The following GPC5 variants were observed in gnomAD, a reference collection of about 807,000 sequenced individuals.
GPC5 encodes glypican-5.
GPC5 carries 47 observed loss-of-function variants against 53.9 expected under a neutral mutation model. The observed-to-expected ratio is 0.87, with a 90% CI of 0.69 to 1.11. GPC5 has a LOEUF of 1.11. Ranked by LOEUF, GPC5 falls within the 50% of genes most tolerant of loss-of-function variation. The pLI is 0.00. For missense variants in GPC5, 748 were observed against 713.1 expected (o/e 1.05, Z -0.56); for synonymous variants, 286 against 263.3 (o/e 1.09, Z -0.84).
chr13:91,858,076 G>C (rs989536416), intron 5 of GPC5, among the ~76,000 whole-genome samples: 8 of 151,422 alleles, frequency 5.3e-5, no homozygotes, highest in Non-Finnish European at 1.0e-4. Context: ...ATTGTTTTTA[G>C]TAATATATTT....
intron 7 of GPC5, among the ~76,000 whole-genome samples, chr13:92,767,069 C>G (rs935803782): frequency 6.6e-6 from 1 of 152,172 alleles, no homozygotes; most frequent in Admixed American, 6.5e-5. Context: ...AGAATTGAAT[C>G]AAGGTCCTTG....
At chr13:92,104,945 AAT>A (rs1224958867) in intron 6 of GPC5, among the ~76,000 whole-genome samples, 3 of 152,132 alleles carry the variant, frequency 2.0e-5, no homozygotes, top group African/African-American at 7.2e-5. Context: ...CATGTTGAGA[AAT>A]AGTGTTTTTG....
At chr13:92,355,518 A>G (rs539536265) in intron 7 of GPC5, among the ~76,000 whole-genome samples, 7 of 152,126 alleles carry the variant, frequency 4.6e-5, no homozygotes, top group African/African-American at 1.7e-4. Flanking sequence ...ATTATATCAT[A>G]TGTTCCCCTC....
chr13:91,541,693 G>A (rs929073441), intron 2 of GPC5, among the ~76,000 whole-genome samples: 1 of 151,980 alleles, frequency 6.6e-6, no homozygotes, highest in Non-Finnish European at 1.5e-5. Context: ...ACTGGTCATG[G>A]AAGAGATGAT....
intron 7 of GPC5, among the ~76,000 whole-genome samples, chr13:92,627,389 C>A (rs1252788713): frequency 6.6e-6 from 1 of 152,188 alleles, no homozygotes; most frequent in Admixed American, 6.5e-5. Context: ...ATTGGTTGCA[C>A]TTTACACAGC....
At chr13:92,388,637 A>G (rs1874853965) in intron 7 of GPC5, among the ~76,000 whole-genome samples, 1 of 152,164 alleles carries the variant, frequency 6.6e-6, no homozygotes, top group Non-Finnish European at 1.5e-5. Flanking sequence ...ATGATACAGT[A>G]GGAAAACTTA....
At chr13:92,507,393 A>G (rs552537687) in intron 7 of GPC5, among the ~76,000 whole-genome samples, 2 of 152,356 alleles carry the variant, frequency 1.3e-5, no homozygotes, top group South Asian at 4.1e-4. Context: ...GAATGAATTT[A>G]GCTTTCTTTG....
intron 7 of GPC5, among the ~76,000 whole-genome samples, chr13:92,182,868 C>T (rs914722638): frequency 2.8e-5 from 3 of 107,696 alleles, no homozygotes; most frequent in Non-Finnish European, 5.4e-5. Context: ...GACTCCGTCT[C>T]AAAAAAAGAA....
chr13:92,494,385 G>C (rs1347253062), intron 7 of GPC5, among the ~76,000 whole-genome samples: 2 of 152,266 alleles, frequency 1.3e-5, no homozygotes, highest in Middle Eastern at 3.4e-3. Context: ...CACCGCGCCT[G>C]GCCAAGAATT....
chr13:92,517,959 A>C (rs1224355680), intron 7 of GPC5, among the ~76,000 whole-genome samples: 4 of 152,206 alleles, frequency 2.6e-5, no homozygotes, highest in Admixed American at 2.6e-4. Flanking sequence ...TAACTAGAAA[A>C]ACCAGTGTAG....
intron 7 of GPC5, chr13:92,719,805 T>C (rs1327201335): frequency 6.6e-6 from 1 of 152,168 alleles, no homozygotes; most frequent in East Asian, 1.9e-4. Context: ...ACACCTTCTG[T>C]TCAAACACTT....
At chr13:92,471,682 A>G (rs1325202560) in intron 7 of GPC5, among the ~76,000 whole-genome samples, 3 of 152,142 alleles carry the variant, frequency 2.0e-5, no homozygotes, top group African/African-American at 7.2e-5. Flanking sequence ...GGAGAATTTC[A>G]AGGAGTTGCA....
At chr13:92,075,411 A>G (rs1359645429) in intron 6 of GPC5, among the ~76,000 whole-genome samples, 4 of 152,186 alleles carry the variant, frequency 2.6e-5, no homozygotes, top group Non-Finnish European at 5.9e-5. Context: ...TGTATTTCTT[A>G]GTCTCTAGCA....
At chr13:92,509,724 A>C (rs916637579) in intron 7 of GPC5, 1 of 152,228 alleles carries the variant, frequency 6.6e-6, no homozygotes, top group Non-Finnish European at 1.5e-5. Flanking sequence ...CCAGTTATTT[A>C]AAAGCTAGCA....
chr13:91,970,137 A>G (rs890765137), intron 6 of GPC5, among the ~76,000 whole-genome samples: 1 of 152,218 alleles, frequency 6.6e-6, no homozygotes, highest in African/African-American at 2.4e-5. Flanking sequence ...GGATGAGCCC[A>G]GAGGGTATTT....
chr13:92,041,165 A>G (rs1371173401), intron 6 of GPC5, among the ~76,000 whole-genome samples: 2 of 152,222 alleles, frequency 1.3e-5, no homozygotes, highest in Non-Finnish European at 2.9e-5. Flanking sequence ...ACTCTTATTT[A>G]TATGAATTAA....
intron 7 of GPC5, among the ~76,000 whole-genome samples, chr13:92,595,779 A>AAAG (rs1217903997): frequency 6.6e-6 from 1 of 151,480 alleles, no homozygotes; most frequent in Non-Finnish European, 1.5e-5. Context: ...AAAAAAAAAA[A>AAAG]AAAAAAAAGA....
chr13:92,547,474 A>G (rs1184889545), intron 7 of GPC5, among the ~76,000 whole-genome samples: 2 of 152,164 alleles, frequency 1.3e-5, no homozygotes, highest in Non-Finnish European at 2.9e-5. Context: ...GACGGAAGGA[A>G]GTCTCCTTCA....
At chr13:91,966,882 A>T (rs2040185877) in intron 6 of GPC5, among the ~76,000 whole-genome samples, 2 of 152,196 alleles carry the variant, frequency 1.3e-5, no homozygotes, top group Admixed American at 6.5e-5. Context: ...TTGCAATCTG[A>T]TTATACACAA....
Sources: gnomAD v4.1 joint callset for allele counts (sites outside exome capture counted in the v4.1 genomes callset) on GRCh38, gnomAD v4.1.1 for gene constraint, MANE v1.5 for transcripts, NCBI Gene and HGNC (gene_info 2026-07-23, HGNC 2026-07-21) for gene names.